Variants in TENM2 observed in about 807,000 individuals in gnomAD.
TENM2 encodes teneurin transmembrane protein 2.
A neutral mutation model predicts 245.2 loss-of-function variants in TENM2; 52 were observed. The ratio of observed to expected loss-of-function variants is 0.21; its 90% CI spans 0.17 to 0.27. TENM2 has a LOEUF of 0.27. Ranked by LOEUF, TENM2 falls within the 10% of genes least tolerant of loss-of-function variation. The probability of loss-of-function intolerance (pLI) is 1.00; values close to 1 mark genes in which losing one functional copy is unlikely to be tolerated. For synonymous variants in TENM2, 1,363 were observed against 1,438.9 expected (o/e 0.95, Z 1.19); for missense variants, 3,046 against 3,666.8 (o/e 0.83, Z 4.37).
At chr5:167,368,670 G>A (rs1326951965) in intron 1 of TENM2, among the ~76,000 whole-genome samples, 2 of 152,136 alleles carry the variant, frequency 1.3e-5, no homozygotes, top group African/African-American at 4.8e-5. Context: ...TGTCTTGACA[G>A]CCAGGTGGAT....
At chr5:167,242,393 C>T in the TENM2 span, among the ~76,000 whole-genome samples, 1 of 152,244 alleles carries the variant, frequency 6.6e-6, no homozygotes, top group African/African-American at 2.4e-5. Flanking sequence ...CATAGAAAAA[C>T]TCCTGACACG....
rs191460748 is a variant in TENM2, at chr5:167,689,822, A to G, written c.503-186164A>G. ...TGTCTCCCAGGCTGGAGTGCAATGG[A>G]GCAATTTTGGCTCCTACAATCTCCA... On this transcript the variant is annotated intron_variant, in intron 2 of 28. Transcript: ENST00000518659. Among the ~76,000 whole-genome samples, 34 of 151,848 alleles carry G rather than the reference A, an allele frequency of 2.2e-4. No individual in the cohort carries two copies. In the East Asian group the frequency reaches 6.2e-3, roughly 28 times the overall value.
At chr5:167,392,782 A>G (rs1761832749) in intron 2 of TENM2, among the ~76,000 whole-genome samples, 1 of 152,166 alleles carries the variant, frequency 6.6e-6, no homozygotes, top group Non-Finnish European at 1.5e-5. Flanking sequence ...ACATTTAACT[A>G]CAAACTTTTA....
At chr5:167,692,047 G>A (rs2150407939) in intron 2 of TENM2, among the ~76,000 whole-genome samples, 1 of 152,072 alleles carries the variant, frequency 6.6e-6, no homozygotes, top group South Asian at 2.1e-4. Context: ...CTGAATAATT[G>A]CTTGATAGCC....
At chr5:168,231,834 G>A (rs1373326956) in intron 25 of TENM2, among the ~76,000 whole-genome samples, 1 of 152,064 alleles carries the variant, frequency 6.6e-6, no homozygotes, top group Non-Finnish European at 1.5e-5. Context: ...AGTAGCTCAT[G>A]CCTATAATCC....
chr5:167,995,586 G>A (rs528950096), intron 5 of TENM2, among the ~76,000 whole-genome samples: 3 of 152,262 alleles, frequency 2.0e-5, no homozygotes, highest in Admixed American at 6.5e-5. Flanking sequence ...CGTGGTAAGG[G>A]GTCAGGATCT....
At chr5:167,329,697 G>C (rs1048120204) in intron 1 of TENM2, among the ~76,000 whole-genome samples, 64 of 151,328 alleles carry the variant, frequency 4.2e-4, no homozygotes, top group Non-Finnish European at 7.5e-4. Flanking sequence ...TTATTGAATT[G>C]ATCCAGCTAT....
intron 7 of TENM2, among the ~76,000 whole-genome samples, chr5:168,079,105 T>C (rs1791742436): frequency 6.6e-6 from 1 of 152,200 alleles, no homozygotes; most frequent in African/African-American, 2.4e-5. Flanking sequence ...TTTTATTTTG[T>C]TGAGCAGTGG....
At chr5:167,349,974 A>C (rs566732451) in intron 1 of TENM2, among the ~76,000 whole-genome samples, 1 of 152,340 alleles carries the variant, frequency 6.6e-6, no homozygotes, top group African/African-American at 2.4e-5. Flanking sequence ...AGAGTTTTTA[A>C]ATTTATAGTA....
chr5:167,529,837 A>G lies in TENM2; in HGVS notation c.502+154364A>G, dbSNP rs1562030106. Reference sequence around the variant, plus strand: ...AGGTTTTGGCATTCACTGTACCAGCATTTGTGGGTCCTCTGGGAACCTCAT... The same window carrying G: ...AGGTTTTGGCATTCACTGTACCAGCGTTTGTGGGTCCTCTGGGAACCTCAT... On this transcript the variant is annotated intron_variant, in intron 2 of 28. Transcript: ENST00000518659. Among the ~76,000 whole-genome samples the G allele has an allele frequency of 2.0e-5, 3 of 152,330 alleles. No homozygotes were observed. The South Asian group carries it at 6.2e-4, about 32-fold the overall frequency.
chr5:167,979,815 T>A (rs1031713396), intron 4 of TENM2, among the ~76,000 whole-genome samples: 24 of 152,118 alleles, frequency 1.6e-4, no homozygotes, highest in Non-Finnish European at 2.9e-4. Flanking sequence ...CAACAGATTT[T>A]AAAAAATAAC....
the TENM2 span, among the ~76,000 whole-genome samples, chr5:167,056,143 T>G: frequency 6.6e-6 from 1 of 151,992 alleles, no homozygotes. Context: ...GTCAAATGCT[T>G]TCTCTGAATT....
chr5:167,024,439 C>T, the TENM2 span, among the ~76,000 whole-genome samples: 20 of 152,172 alleles, frequency 1.3e-4, no homozygotes, highest in African/African-American at 4.6e-4. Context: ...TAAGAAAGAA[C>T]TAAGGTAAGC....
At chr5:167,840,240 T>A (rs1299669123) in intron 2 of TENM2, among the ~76,000 whole-genome samples, 1 of 152,186 alleles carries the variant, frequency 6.6e-6, no homozygotes, top group Non-Finnish European at 1.5e-5. Context: ...AATTTTAACT[T>A]TGACAGAGAC....
intron 2 of TENM2, among the ~76,000 whole-genome samples, chr5:167,448,715 C>T (rs1043771852): frequency 2.6e-5 from 4 of 151,456 alleles, no homozygotes; most frequent in African/African-American, 7.3e-5. Flanking sequence ...TTTGCAGGAA[C>T]GTACCGAGAA....
chr5:168,075,181 A>T (rs1419336201), intron 7 of TENM2, among the ~76,000 whole-genome samples: 1 of 152,166 alleles, frequency 6.6e-6, no homozygotes, highest in Non-Finnish European at 1.5e-5. Context: ...GTGAGAACAT[A>T]CAATGTTTGG....
intron 5 of TENM2, among the ~76,000 whole-genome samples, chr5:168,038,368 C>T (rs1457312899): frequency 2.6e-5 from 4 of 152,240 alleles, no homozygotes; most frequent in African/African-American, 7.2e-5. Flanking sequence ...CACTTTTGCA[C>T]CTTCTCCACC....
At chr5:167,791,417 A>C (rs952066163) in intron 2 of TENM2, among the ~76,000 whole-genome samples, 19 of 146,160 alleles carry the variant, frequency 1.3e-4, no homozygotes, top group African/African-American at 4.5e-4. Context: ...TAGATATGAA[A>C]TATATAATAT....
chr5:168,255,476 G>C (rs944008280), intron 27 of TENM2, among the ~76,000 whole-genome samples: 7 of 151,844 alleles, frequency 4.6e-5, no homozygotes, highest in African/African-American at 1.5e-4. Flanking sequence ...TAATTTTTTT[G>C]TATATCTTTA....
Sources: allele counts gnomAD v4.1 joint callset (sites outside exome capture counted in the v4.1 genomes callset), GRCh38; gene constraint gnomAD v4.1.1; transcripts MANE v1.5; gene names NCBI Gene and HGNC (gene_info 2026-07-23, HGNC 2026-07-21).